Variants in C8orf34 observed in about 807,000 individuals in gnomAD.
The protein encoded by C8orf34 is chromosome 8 open reading frame 34.
C8orf34 carries 65 observed loss-of-function variants against 68.3 expected under a neutral mutation model. The observed-to-expected ratio is 0.95, with a 90% CI of 0.78 to 1.17. The LOEUF (loss-of-function observed/expected upper bound fraction) is 1.17, where lower values mean the gene tolerates loss of function less well. C8orf34 is among the 50% of genes most tolerant of loss of function. The probability of loss-of-function intolerance (pLI) is 0.00; values close to 1 mark genes in which losing one functional copy is unlikely to be tolerated. For missense variants in C8orf34, 664 were observed against 655.4 expected (o/e 1.01, Z -0.14); for synonymous variants, 244 against 241.2 (o/e 1.01, Z -0.11).
intron 11 of C8orf34, among the ~76,000 whole-genome samples, chr8:68,784,425 T>G (rs1823783075): frequency 6.6e-6 from 1 of 152,186 alleles, no homozygotes; most frequent in African/African-American, 2.4e-5. Context: ...AGATAGGGTT[T>G]GTCAGGTTTC....
At chr8:68,442,278 T>C (rs1015334410) in intron 2 of C8orf34, among the ~76,000 whole-genome samples, 8 of 152,004 alleles carry the variant, frequency 5.3e-5, no homozygotes, top group African/African-American at 1.9e-4. Context: ...AAGGAAAATT[T>C]AAGAAAAGAT....
intron 8 of C8orf34, among the ~76,000 whole-genome samples, chr8:68,651,196 A>T (rs556390296): frequency 3.3e-5 from 5 of 152,248 alleles, no homozygotes; most frequent in African/African-American, 1.2e-4. Context: ...CATCTATTCC[A>T]TAAAACCTTT....
chr8:68,482,494 C>T (rs539966593), intron 4 of C8orf34, among the ~76,000 whole-genome samples: 2 of 152,242 alleles, frequency 1.3e-5, no homozygotes, highest in African/African-American at 2.4e-5. Context: ...AGGCTGGTCT[C>T]GAACTCCTGA....
In C8orf34 at chr8:68,331,047, TGGC is replaced by T. The variant is rs1372935079; in HGVS notation, c.40_42del (p.Ala14del). ...CCCCTCGCCTCGGAGTTGTCTGAGT[TGGC>T]GGCGCTGCGCCCAGGCTTCCGGCTC... On this transcript the variant is annotated inframe_deletion, in exon 1 of 14. Transcript: ENST00000518698. The T allele has an allele frequency of 3.4e-6, 5 of 1,476,078 alleles. No individual in the cohort carries two copies. Among genetic ancestry groups the T allele is most frequent in the Admixed American group, 2.5e-5 (1 of 39,442 alleles). The allele number at this position is 1,476,078 out of a possible 1,614,324, so 91.4% of individuals were successfully genotyped here.
intron 1 of C8orf34, among the ~76,000 whole-genome samples, chr8:68,408,888 A>G (rs978447461): frequency 6.6e-6 from 1 of 152,162 alleles, no homozygotes; most frequent in African/African-American, 2.4e-5. Context: ...TCCTGCGTTC[A>G]AGCGATTCTC....
chr8:68,423,764 G>T (rs1346748680), intron 1 of C8orf34, among the ~76,000 whole-genome samples: 1 of 152,136 alleles, frequency 6.6e-6, no homozygotes, highest in Non-Finnish European at 1.5e-5. Context: ...ATAAAGAAAG[G>T]AGGTTTAATT....
intron 7 of C8orf34, among the ~76,000 whole-genome samples, chr8:68,634,500 C>G (rs966750978): frequency 1.3e-5 from 2 of 152,156 alleles, no homozygotes; most frequent in Admixed American, 1.3e-4. Context: ...TTCTCCCTTT[C>G]TATTATCATA....
chr8:68,599,150 G>T (rs1817627027), intron 7 of C8orf34, among the ~76,000 whole-genome samples: 3 of 151,808 alleles, frequency 2.0e-5, no homozygotes, highest in Admixed American at 6.6e-5. Flanking sequence ...TAGCATTAAA[G>T]ACATAAAATA....
Position 68,439,509 on chromosome 8 carries a change from C to A in C8orf34, c.338C>A (p.Thr113Asn). 1 of 1,612,916 alleles carries A rather than the reference C, an allele frequency of 6.2e-7. No homozygotes were observed. The highest frequency in any genetic ancestry group is 8.5e-7 in the Non-Finnish European group (1 of 1,179,478). The change falls in exon 2 of 14, where the codon ACC (threonine) becomes AAC (asparagine). Residue 113 changes from threonine (T) to asparagine (N), a missense_variant. By Grantham distance (65) the Thr-to-Asn change is moderately conservative. Coordinates refer to ENST00000518698, the MANE Select transcript of C8orf34 (RefSeq NM_052958.4). Reference protein sequence around the residue: ...KIGPLFEELMTKLITETPDQP... With the variant: ...KIGPLFEELMNKLITETPDQP... ...CTATTCTGCCTTCAGGAATTAATGA[C>A]CAAGTTAATAACTGAGACACCTGAC... is the stretch of plus-strand genomic sequence containing the variant.
intron 3 of C8orf34, among the ~76,000 whole-genome samples, chr8:68,466,754 T>C (rs370922890): frequency 1.0e-5 from 1 of 99,490 alleles, no homozygotes; most frequent in Admixed American, 1.1e-4. Context: ...TATATATATA[T>C]ATATATATAT....
chr8:68,816,756 A>G (rs1475297725), intron 13 of C8orf34, among the ~76,000 whole-genome samples: 1 of 152,216 alleles, frequency 6.6e-6, no homozygotes, highest in Non-Finnish European at 1.5e-5. Flanking sequence ...AGCTATCAGA[A>G]TATTATGTTC....
chr8:68,751,968 C>T (rs1822721106), intron 10 of C8orf34, among the ~76,000 whole-genome samples: 2 of 151,962 alleles, frequency 1.3e-5, no homozygotes, highest in Admixed American at 1.3e-4. Flanking sequence ...TTCTTCAGAT[C>T]ATAAGATGAA....
intron 8 of C8orf34, among the ~76,000 whole-genome samples, chr8:68,659,240 T>G (rs1003346399): frequency 6.6e-6 from 1 of 152,202 alleles, no homozygotes; most frequent in South Asian, 2.1e-4. Context: ...CTGGGTTTTA[T>G]AGATATACAG....
chr8:68,625,548 G>T, intron 7 of C8orf34: 1 of 695,530 alleles, frequency 1.4e-6, no homozygotes, highest in Non-Finnish European at 2.6e-6. Flanking sequence ...GATGAGAACA[G>T]CATGTGAATT....
At chr8:68,741,147 G>A (rs1042691618) in intron 10 of C8orf34, among the ~76,000 whole-genome samples, 3 of 152,026 alleles carry the variant, frequency 2.0e-5, no homozygotes, top group Admixed American at 6.6e-5. Context: ...GCTGGATGAC[G>A]AAATAACGTG....
rs188720449 is a variant in C8orf34 at position 68,524,565 on chromosome 8, G to A, written c.938+2594G>A. Among the ~76,000 whole-genome samples, 162 of 152,308 alleles carry A rather than the reference G, an allele frequency of 1.1e-3. 2 individuals carry two copies. Among genetic ancestry groups the A allele is most frequent in the East Asian group, 5.8e-3 (30 of 5,166 alleles). On this transcript the variant is annotated intron_variant, in intron 6 of 13. Transcript: ENST00000518698. Reference sequence around the variant, plus strand: ...AAATTAAAGCATTTGAGTAAGAAAAGTGAGAGGAATTCACCGAACAGAGAG... The same window carrying A: ...AAATTAAAGCATTTGAGTAAGAAAAATGAGAGGAATTCACCGAACAGAGAG...
At chr8:68,428,652 A>G (rs1018092896) in intron 1 of C8orf34, among the ~76,000 whole-genome samples, 28 of 152,136 alleles carry the variant, frequency 1.8e-4, no homozygotes, top group African/African-American at 6.8e-4. Context: ...AAATAAGAAA[A>G]TGATAGAAAC....
chr8:68,615,537 A>G (rs1489218108), intron 7 of C8orf34, among the ~76,000 whole-genome samples: 8 of 152,174 alleles, frequency 5.3e-5, no homozygotes, highest in Admixed American at 3.9e-4. Context: ...TTCTGCATCT[A>G]TTGAGATAAT....
chr8:68,377,012 T>A (rs902748884), intron 1 of C8orf34, among the ~76,000 whole-genome samples: 6 of 152,170 alleles, frequency 3.9e-5, no homozygotes, highest in African/African-American at 1.2e-4. Flanking sequence ...TGTTTAGTTT[T>A]GTTTTGTTTT....
Sources: allele counts gnomAD v4.1 joint callset (sites outside exome capture counted in the v4.1 genomes callset), GRCh38; gene constraint gnomAD v4.1.1; transcripts MANE v1.5; gene names NCBI Gene and HGNC (gene_info 2026-07-23, HGNC 2026-07-21).